The following SEH1L variants were observed in gnomAD, a reference collection of about 807,000 sequenced individuals.
SEH1L encodes SEH1 like nucleoporin.
A neutral mutation model predicts 49.5 loss-of-function variants in SEH1L; 18 were observed. The observed-to-expected ratio is 0.36, with a 90% CI of 0.25 to 0.54. The LOEUF is 0.54. Among genes scored for constraint, SEH1L ranks in the 20% least tolerant of loss-of-function variants. The pLI, the probability that SEH1L is intolerant of heterozygous loss-of-function variation, is 0.87. For missense variants in SEH1L, 404 were observed against 528.8 expected (o/e 0.76, Z 2.31); for synonymous variants, 169 against 178.1 (o/e 0.95, Z 0.41).
chr18:12,979,136 T>C (rs1158367672), intron 6 of SEH1L, among the ~76,000 whole-genome samples: 1 of 150,616 alleles, frequency 6.6e-6, no homozygotes, highest in African/African-American at 2.4e-5. Context: ...GGCAGGGTCA[T>C]AGGACAATAG....
intron 5 of SEH1L, chr18:12,975,793 C>G: frequency 1.0e-6 from 1 of 986,380 alleles, no homozygotes; most frequent in Non-Finnish European, 1.2e-6. Flanking sequence ...ATGCAGTAGC[C>G]CACTATGATG....
chr18:12,951,353 C>A (rs2030512689), intron 1 of SEH1L, among the ~76,000 whole-genome samples: 1 of 152,176 alleles, frequency 6.6e-6, no homozygotes, highest in African/African-American at 2.4e-5. Flanking sequence ...CTTCCTGAAT[C>A]CCTTGGTGCT....
At chr18:12,957,372 G>A (rs2030931142) in intron 3 of SEH1L, among the ~76,000 whole-genome samples, 1 of 151,910 alleles carries the variant, frequency 6.6e-6, no homozygotes, top group South Asian at 2.1e-4. Context: ...AGGTTGTGAT[G>A]AGCAGAGATC....
Position 12,978,683 on chromosome 18 carries a change from G to A in SEH1L, c.621-69G>A. The A allele has an allele frequency of 2.3e-6, 3 of 1,299,624 alleles. No individual in the cohort carries two copies. In the South Asian group the frequency reaches 3.7e-5, roughly 16 times the overall value. The allele number at this position is 1,299,624 out of a possible 1,614,324, so 80.5% of individuals were successfully genotyped here. On this transcript the variant is annotated intron_variant, in intron 5 of 8. Coordinates refer to ENST00000399892, the MANE Select transcript of SEH1L (RefSeq NM_001013437.2). ...TGTGAGCAGTGTGAAAAAAAGGTGA[G>A]ATGCAGTGATGTGTGGATTTTTGCA...
Position 12,981,612 on chromosome 18 carries a change from T to C in SEH1L, c.762-906T>C, listed in dbSNP as rs564588296. Among the ~76,000 whole-genome samples, 5 of 152,326 alleles carry C rather than the reference T, an allele frequency of 3.3e-5. No homozygotes were observed. The South Asian group carries it at 1.0e-3, about 32-fold the overall frequency. ...ATATATGTCTTTTTGGAAAGGGGAA[T>C]TGAGTCAAGAGCAGATTTATATTCT... On this transcript the variant is annotated intron_variant, in intron 6 of 8. Coordinates refer to ENST00000399892, the MANE Select transcript of SEH1L (RefSeq NM_001013437.2).
chr18:12,973,372 T>A (rs2031782269), intron 5 of SEH1L: 1 of 151,724 alleles, frequency 6.6e-6, no homozygotes, highest in African/African-American at 2.4e-5. Flanking sequence ...CAATCTCAGC[T>A]CACTGCAACC....
chr18:12,975,163 T>A (rs955210939), intron 5 of SEH1L, among the ~76,000 whole-genome samples: 3 of 151,992 alleles, frequency 2.0e-5, no homozygotes, highest in African/African-American at 7.3e-5. Flanking sequence ...CAGCTAATTT[T>A]GTAGTTTTAG....
chr18:12,979,863 C>A (rs180780743), intron 6 of SEH1L, among the ~76,000 whole-genome samples: 1 of 135,468 alleles, frequency 7.4e-6, no homozygotes, highest in African/African-American at 2.8e-5. Context: ...GGCGGCTGGC[C>A]GGGCGGGGGG....
rs568445292 is a variant in SEH1L, at chr18:12,961,306, T to G, written c.310-1854T>G. ...TCCTCAGATCTTATCAGGAAGCTGCTGATCACCAGTTTCAGGTGTTTCTAT... is the reference window on the plus strand; with the variant it reads ...TCCTCAGATCTTATCAGGAAGCTGCGGATCACCAGTTTCAGGTGTTTCTAT... On this transcript the variant is annotated intron_variant, in intron 3 of 8. Coordinates refer to ENST00000399892, the MANE Select transcript of SEH1L (RefSeq NM_001013437.2). Among the ~76,000 whole-genome samples the G allele has an allele frequency of 1.8e-4, 27 of 152,338 alleles. 1 individual carries two copies. Among genetic ancestry groups the G allele is most frequent in the African/African-American group, 5.8e-4 (24 of 41,584 alleles).
At position 12,978,755 on chromosome 18, in the gene SEH1L, A is replaced by C; in HGVS notation, c.624A>C (p.Lys208Asn). 6.2e-7 allele frequency: 1 copy of C among 1,605,242 alleles called. No individual in the cohort carries two copies. Among genetic ancestry groups the C allele is most frequent in the Non-Finnish European group, 8.5e-7 (1 of 1,176,100 alleles). ...ATGTCAATTGTTTTTCCATTAGGAA[A>C]TATGCAAAAGCTGAAACTCTTATGA... ...QIFEYNENTR[K>N]YAKAETLMTV... is the part of the protein sequence containing the mutation. Residue 208 changes from lysine to asparagine, a missense_variant, in exon 6 of 9, where the codon AAA (lysine) becomes AAC (asparagine). Physicochemically the swap from Lys to Asn is moderately conservative, Grantham distance 94. Transcript: ENST00000399892.
At chr18:12,975,473 G>A (rs995238036) in intron 5 of SEH1L, among the ~76,000 whole-genome samples, 35 of 152,086 alleles carry the variant, frequency 2.3e-4, no homozygotes, top group African/African-American at 7.7e-4. Context: ...AGGGTGAGAA[G>A]TTTCAGCTGA....
chr18:12,958,537 C>G (rs1006393912), intron 3 of SEH1L, among the ~76,000 whole-genome samples: 1 of 152,204 alleles, frequency 6.6e-6, no homozygotes, highest in African/African-American at 2.4e-5. Context: ...CCTCCTCCCT[C>G]TACCCCCTAT....
In SEH1L at chr18:12,984,160, A is replaced by C. The variant is rs2032378616; in HGVS notation, c.1040A>C (p.Gln347Pro). ...CTAGGTTCAACTATTCCAAGTCTTC[A>C]GAATTCATTAAATGGATCTTCTGCT... The part of the protein sequence containing the change: ...PSLGSTIPSL[Q>P]NSLNGSSAGR... The change falls in exon 8 of 9, where the codon CAG becomes CCG. Residue 347 changes from glutamine to proline, a missense_variant. By Grantham distance (76) the Gln-to-Pro change is moderately conservative. This residue lies in a region of SEH1L where 342 missense variants were observed against 430.8 expected (regional missense o/e 0.79). Coordinates refer to ENST00000399892, the MANE Select transcript of SEH1L (RefSeq NM_001013437.2). The C allele has an allele frequency of 6.2e-7, 1 of 1,613,838 alleles. No individual in the cohort carries two copies. Among genetic ancestry groups the C allele is most frequent in the African/African-American group, 1.3e-5 (1 of 74,942 alleles).
At chr18:12,972,734 T>C (rs1191314750) in intron 5 of SEH1L, 6 of 152,230 alleles carry the variant, frequency 3.9e-5, no homozygotes, top group Admixed American at 3.9e-4. Context: ...TCCAGTAGAA[T>C]GTGCTGCAGT....
intron 3 of SEH1L, among the ~76,000 whole-genome samples, chr18:12,956,234 C>CG (rs1469920573): frequency 7.2e-5 from 11 of 151,832 alleles, no homozygotes; most frequent in African/African-American, 2.4e-4. Context: ...TTAGTAGAGA[C>CG]GGGGTTTCAC....
intron 1 of SEH1L, chr18:12,948,848 CTT>C (rs920060634): frequency 1.1e-4 from 14 of 132,036 alleles, no homozygotes; most frequent in South Asian, 2.4e-4. Context: ...AATTTCTTTT[CTT>C]TTTTTTTTTT....
rs958388122 is a variant in SEH1L, at chr18:12,979,673, A to T, written c.761+781A>T. The stretch of plus-strand genomic sequence containing the variant: ...GGCAGAGGCGCCCCTCACCTCCCGG[A>T]CGGGGTGGCTGGCTGGGCGGGGGGC... On this transcript the variant is annotated intron_variant, in intron 6 of 8. Coordinates refer to ENST00000399892, the MANE Select transcript of SEH1L (RefSeq NM_001013437.2). Among the ~76,000 whole-genome samples, 54 of 149,738 alleles carry T rather than the reference A, an allele frequency of 3.6e-4. No individual in the cohort carries two copies. The South Asian group carries it at 0.011, about 30-fold the overall frequency.
chr18:12,961,587 A>G (rs1409653467), intron 3 of SEH1L, among the ~76,000 whole-genome samples: 1 of 152,226 alleles, frequency 6.6e-6, no homozygotes, highest in Non-Finnish European at 1.5e-5. Flanking sequence ...AGTTTATGTA[A>G]TATTATCCTT....
chr18:12,976,465 T>TA (rs2031924356), intron 5 of SEH1L: 2 of 152,286 alleles, frequency 1.3e-5, no homozygotes, highest in Non-Finnish European at 2.9e-5. Flanking sequence ...TCTGCCACAG[T>TA]ACGGGTGTTC....
Sources: allele counts gnomAD v4.1 joint callset (sites outside exome capture counted in the v4.1 genomes callset), GRCh38; gene constraint gnomAD v4.1.1; regional missense constraint gnomAD v4.1.1; transcripts MANE v1.5; gene names NCBI Gene and HGNC (gene_info 2026-07-23, HGNC 2026-07-21).